ZFHX3: variants seen among roughly 807,000 people sequenced by gnomAD.
ZFHX3 encodes the protein zinc finger homeobox 3.
Under a neutral mutation model 279.1 loss-of-function variants are expected in ZFHX3, and 42 were observed. The ratio of observed to expected loss-of-function variants is 0.15; its 90% CI spans 0.12 to 0.19. The LOEUF (loss-of-function observed/expected upper bound fraction) is 0.19, where lower values mean the gene tolerates loss of function less well. Among genes scored for constraint, ZFHX3 ranks in the 10% least tolerant of loss-of-function variants. The pLI is 1.00. For synonymous variants in ZFHX3, 2,293 were observed against 1,957.8 expected (o/e 1.17, Z -4.52); for missense variants, 4,981 against 4,754.0 (o/e 1.05, Z -1.40).
intron 1 of ZFHX3, among the ~76,000 whole-genome samples, chr16:73,890,243 A>C (rs1338528253): frequency 1.9e-4 from 9 of 47,300 alleles, no homozygotes; most frequent in Non-Finnish European, 4.4e-4. Context: ...AAAAAACCAA[A>C]AAAAAAAAAA....
chr16:73,738,854 C>T (rs987785295), intron 1 of ZFHX3, among the ~76,000 whole-genome samples: 2 of 152,098 alleles, frequency 1.3e-5, no homozygotes, highest in Non-Finnish European at 1.5e-5. Flanking sequence ...AGGAGGCACC[C>T]GTGGAAGATT....
At chr16:73,734,718 G>A (rs2053595267) in intron 1 of ZFHX3, among the ~76,000 whole-genome samples, 1 of 151,982 alleles carries the variant, frequency 6.6e-6, no homozygotes, top group Admixed American at 6.6e-5. Flanking sequence ...GAAAAACGTA[G>A]AAAATTTTAT....
intron 3 of ZFHX3, among the ~76,000 whole-genome samples, chr16:72,925,607 C>T (rs561637814): frequency 2.0e-5 from 3 of 152,224 alleles, no homozygotes; most frequent in African/African-American, 4.8e-5. Context: ...AACCCCGTCC[C>T]GTGTCTTTCC....
rs558472055 is a variant in ZFHX3 at position 72,978,128 on chromosome 16, G to C, written c.-49-17934C>G. Among the ~76,000 whole-genome samples, 31 of 152,340 alleles carry C rather than the reference G, an allele frequency of 2.0e-4. No individual in the cohort carries two copies. The South Asian group carries it at 6.2e-3, about 31-fold the overall frequency. ...GACCTGCCCGCCTCATCCTCCCAGA[G>C]TGCTGGGATTACAGGCGTGAGCCAC... On this transcript the variant is annotated intron_variant, in intron 1 of 9. Transcript: ENST00000268489.
intron 8 of ZFHX3, among the ~76,000 whole-genome samples, chr16:73,068,947 C>T (rs775557772): frequency 3.3e-5 from 5 of 152,230 alleles, no homozygotes; most frequent in Non-Finnish European, 7.3e-5. Context: ...ACTCTGGCCT[C>T]CATGCGCACT....
chr16:73,385,401 G>A (rs1480336797), intron 3 of ZFHX3, among the ~76,000 whole-genome samples: 1 of 152,128 alleles, frequency 6.6e-6, no homozygotes, highest in Non-Finnish European at 1.5e-5. Context: ...ATGAATAAAC[G>A]GCTGCCTGTC....
chr16:73,784,781 C>CA (rs1359742885), intron 1 of ZFHX3, among the ~76,000 whole-genome samples: 156 of 90,242 alleles, frequency 1.7e-3, no homozygotes, highest in African/African-American at 0.013. Context: ...CTATTTTTAA[C>CA]AAAATAAAAA....
intron 1 of ZFHX3, among the ~76,000 whole-genome samples, chr16:73,732,815 T>C (rs992675740): frequency 6.6e-6 from 1 of 152,194 alleles, no homozygotes; most frequent in Non-Finnish European, 1.5e-5. Flanking sequence ...CAGTGGTCTA[T>C]GGTGGTGGTG....
intron 2 of ZFHX3, among the ~76,000 whole-genome samples, chr16:73,539,822 G>A (rs781118981): frequency 1.8e-4 from 28 of 152,024 alleles, no homozygotes; most frequent in Non-Finnish European, 1.5e-4. Context: ...AAATGTTTTC[G>A]GCAAATAATA....
chr16:73,714,750 T>C (rs771653964), intron 1 of ZFHX3, among the ~76,000 whole-genome samples: 2 of 152,212 alleles, frequency 1.3e-5, no homozygotes, highest in Non-Finnish European at 2.9e-5. Context: ...AAATATCCAC[T>C]TCCCCTCCTT....
At chr16:72,890,228 T>C (rs891724849) in intron 3 of ZFHX3, among the ~76,000 whole-genome samples, 2 of 152,196 alleles carry the variant, frequency 1.3e-5, no homozygotes, top group African/African-American at 4.8e-5. Context: ...CCCCATGCTG[T>C]TCTTGTGATA....
intron 2 of ZFHX3, among the ~76,000 whole-genome samples, chr16:73,655,714 G>C (rs2052715643): frequency 6.6e-6 from 1 of 152,140 alleles, no homozygotes. Context: ...GTATTACCAA[G>C]TATTGAGGAA....
intron 1 of ZFHX3, among the ~76,000 whole-genome samples, chr16:73,695,656 C>T (rs901023183): frequency 6.6e-6 from 1 of 152,182 alleles, no homozygotes; most frequent in Non-Finnish European, 1.5e-5. Context: ...ATTTCAGCTT[C>T]TTTCATTTCC....
chr16:73,832,715 A>G (rs1373346018), intron 1 of ZFHX3, among the ~76,000 whole-genome samples: 3 of 152,018 alleles, frequency 2.0e-5, no homozygotes, highest in African/African-American at 7.2e-5. Flanking sequence ...ATTCTTTTTA[A>G]AAGCCTTTTA....
At chr16:73,121,213 T>C (rs1966494551) in intron 7 of ZFHX3, among the ~76,000 whole-genome samples, 2 of 152,338 alleles carry the variant, frequency 1.3e-5, no homozygotes, top group South Asian at 4.1e-4. Context: ...AATTGAAAAT[T>C]TGGCATACAA....
intron 5 of ZFHX3, among the ~76,000 whole-genome samples, chr16:73,208,959 T>C (rs1465236890): frequency 6.6e-6 from 1 of 152,224 alleles, no homozygotes; most frequent in Non-Finnish European, 1.5e-5. Context: ...GTTTTGCCAA[T>C]GCAATTGCCA....
intron 2 of ZFHX3, among the ~76,000 whole-genome samples, chr16:73,586,217 C>T (rs373825986): frequency 2.6e-5 from 4 of 151,784 alleles, no homozygotes; most frequent in Admixed American, 6.6e-5. Context: ...GGTGAAACCC[C>T]GTCTCTGTTA....
At chr16:73,346,831 C>T (rs2016133117) in intron 3 of ZFHX3, among the ~76,000 whole-genome samples, 1 of 152,104 alleles carries the variant, frequency 6.6e-6, no homozygotes. Flanking sequence ...AGACCTGTGA[C>T]CTAAAGAGGC....
chr16:72,871,499 G>A (rs1057163394), intron 4 of ZFHX3, among the ~76,000 whole-genome samples: 4 of 151,892 alleles, frequency 2.6e-5, no homozygotes, highest in East Asian at 3.9e-4. Flanking sequence ...GCGCCACCAC[G>A]CCCAGCTAAT....
Sources: allele counts gnomAD v4.1 joint callset (sites outside exome capture counted in the v4.1 genomes callset), GRCh38; gene constraint gnomAD v4.1.1; transcripts MANE v1.5; gene names NCBI Gene and HGNC (gene_info 2026-07-23, HGNC 2026-07-21).